LOC400499: variants seen among roughly 807,000 people sequenced by gnomAD.
the LOC400499 span, chr16:11,478,652 G>C: frequency 1.0e-5 from 4 of 399,156 alleles, no homozygotes; most frequent in Non-Finnish European, 4.4e-6. Context: ...AGCTCGCATC[G>C]CAGAGCCTGC....
chr16:11,375,330 TG>T, the LOC400499 span, among the ~76,000 whole-genome samples: 46,953 of 111,126 alleles, frequency 0.42, 11,950 homozygotes, highest in Non-Finnish European at 0.49. Flanking sequence ...TTTTTTTTTT[TG>T]GAGACAGAGT....
At chr16:11,375,807 G>A in the LOC400499 span, among the ~76,000 whole-genome samples, 5 of 145,544 alleles carry the variant, frequency 3.4e-5, 1 homozygote, top group South Asian at 1.1e-3. Flanking sequence ...TCGGCTCACC[G>A]CAACCTCTGC....
At chr16:11,444,882 G>A in the LOC400499 span, among the ~76,000 whole-genome samples, 1 of 152,010 alleles carries the variant, frequency 6.6e-6, no homozygotes, top group Non-Finnish European at 1.5e-5. Flanking sequence ...AGGAGCTCAA[G>A]ACCAGCCTGG....
chr16:11,470,058 A>G, the LOC400499 span, among the ~76,000 whole-genome samples: 3 of 151,780 alleles, frequency 2.0e-5, no homozygotes, highest in Admixed American at 6.6e-5. Flanking sequence ...ATGCGCCAAC[A>G]AGCCCAGTTT....
the LOC400499 span, among the ~76,000 whole-genome samples, chr16:11,491,038 A>G: frequency 3.3e-5 from 5 of 152,342 alleles, no homozygotes; most frequent in Non-Finnish European, 5.9e-5. Flanking sequence ...GTCTTTGTGT[A>G]TTAACTCATT....
the LOC400499 span, chr16:11,407,365 C>G: frequency 5.0e-6 from 2 of 397,960 alleles, no homozygotes; most frequent in East Asian, 3.6e-5. Context: ...AAAACCACCA[C>G]AAAACACGAT....
chr16:11,508,870 G>A, the LOC400499 span: 2 of 399,066 alleles, frequency 5.0e-6, no homozygotes, highest in African/African-American at 2.1e-5. Flanking sequence ...GATGGTAAGA[G>A]GTGGATGGGA....
chr16:11,382,787 G>A, the LOC400499 span, among the ~76,000 whole-genome samples: 2 of 152,156 alleles, frequency 1.3e-5, no homozygotes, highest in African/African-American at 4.8e-5. Context: ...TCCAGCCTGG[G>A]TGACAGAGTG....
At chr16:11,396,471 A>C in the LOC400499 span, 6 of 1,231,914 alleles carry the variant, frequency 4.9e-6, no homozygotes, top group Non-Finnish European at 6.1e-6. Flanking sequence ...ATGCCGGGAT[A>C]TCTTTCCCAG....
At chr16:11,385,454 C>T in the LOC400499 span, 13 of 1,206,238 alleles carry the variant, frequency 1.1e-5, no homozygotes, top group Non-Finnish European at 1.3e-5. Context: ...TGAGCGGGGC[C>T]AGCTCCACCC....
the LOC400499 span, among the ~76,000 whole-genome samples, chr16:11,502,549 C>T: frequency 6.6e-6 from 1 of 151,984 alleles, no homozygotes; most frequent in Admixed American, 6.6e-5. Context: ...TATAATTATT[C>T]TAATGAGTCT....
At chr16:11,514,583 C>A in the LOC400499 span, 2 of 399,882 alleles carry the variant, frequency 5.0e-6, no homozygotes, top group Non-Finnish European at 8.8e-6. Context: ...CAGGATCTAG[C>A]CATCCACAGG....
At chr16:11,435,612 TGG>T in the LOC400499 span, 1 of 399,152 alleles carries the variant, frequency 2.5e-6, no homozygotes, top group African/African-American at 2.1e-5. Context: ...ACCAGCCTTT[TGG>T]CCTCTGTGGT....
chr16:11,439,538 AAAAATGC>A, the LOC400499 span: 1 of 399,070 alleles, frequency 2.5e-6, no homozygotes, highest in Non-Finnish European at 4.4e-6. Flanking sequence ...GAGTTGGAAG[AAAAATGC>A]AAAGTCGGAG....
the LOC400499 span, among the ~76,000 whole-genome samples, chr16:11,460,233 C>G: frequency 6.6e-6 from 1 of 152,158 alleles, no homozygotes; most frequent in Non-Finnish European, 1.5e-5. Context: ...ATCTCACTCT[C>G]CCACCCAGAC....
chr16:11,466,007 A>G, the LOC400499 span, among the ~76,000 whole-genome samples: 2 of 152,260 alleles, frequency 1.3e-5, no homozygotes, highest in Non-Finnish European at 2.9e-5. Context: ...TGTTCATGGC[A>G]GAATATTTGT....
chr16:11,516,272 A>C, the LOC400499 span: 1 of 399,632 alleles, frequency 2.5e-6, no homozygotes, highest in Non-Finnish European at 4.4e-6. Context: ...CCCAGAGTGC[A>C]GGATGAAGCG....
At chr16:11,403,232 G>A in the LOC400499 span, among the ~76,000 whole-genome samples, 11 of 152,142 alleles carry the variant, frequency 7.2e-5, no homozygotes, top group Admixed American at 1.3e-4. Flanking sequence ...TGCAGGAGCC[G>A]TGCCCAGAGA....
chr16:11,383,217 A>C, the LOC400499 span, among the ~76,000 whole-genome samples: 1 of 151,738 alleles, frequency 6.6e-6, no homozygotes, highest in South Asian at 2.1e-4. Context: ...AGGCGCCCGC[A>C]ACCATGCCCG....
Sources: allele counts gnomAD v4.1 joint callset (sites outside exome capture counted in the v4.1 genomes callset), GRCh38; gene constraint gnomAD v4.1.1; transcripts MANE v1.5.